SVOPL: variants seen among roughly 807,000 people sequenced by gnomAD.
SVOPL encodes putative transporter SVOPL.
SVOPL carries 60 observed loss-of-function variants against 61.0 expected under a neutral mutation model. The ratio of observed to expected loss-of-function variants is 0.98; its 90% confidence interval spans 0.80 to 1.22. The LOEUF (loss-of-function observed/expected upper bound fraction) is 1.22, where lower values mean the gene tolerates loss of function less well. Ranked by LOEUF, SVOPL falls within the 50% of genes most tolerant of loss-of-function variation. The pLI is 0.00. For synonymous variants in SVOPL, 279 were observed against 250.0 expected (o/e 1.12, Z -1.09); for missense variants, 662 against 643.9 (o/e 1.03, Z -0.30).
chr7:138,656,413 T>C, intron 7 of SVOPL, 35 bp downstream of exon 7: 1 of 1,608,506 alleles, frequency 6.2e-7, no homozygotes, highest in South Asian at 1.1e-5. Context: ...TCCCATAGGA[T>C]GCCAAAGGCA....
chr7:138,620,683 G>T (rs1422172259), intron 14 of SVOPL, among the ~76,000 whole-genome samples: 1 of 152,094 alleles, frequency 6.6e-6, no homozygotes, highest in Non-Finnish European at 1.5e-5. Flanking sequence ...CTGTTTTACA[G>T]TTGCCACCTG....
chr7:138,700,221 G>A (rs1047032545), intron 1 of SVOPL, among the ~76,000 whole-genome samples: 2 of 151,530 alleles, frequency 1.3e-5, no homozygotes, highest in African/African-American at 4.8e-5. Flanking sequence ...AGAACAACAT[G>A]TTTGAGAGAT....
chr7:138,633,944 C>T (rs1423010699), intron 9 of SVOPL, among the ~76,000 whole-genome samples: 7 of 152,116 alleles, frequency 4.6e-5, no homozygotes, highest in African/African-American at 1.2e-4. Context: ...CAACTCATCC[C>T]GTGGTGGCTA....
intron 14 of SVOPL, among the ~76,000 whole-genome samples, chr7:138,611,243 T>A (rs2116813786): frequency 6.6e-6 from 1 of 152,184 alleles, no homozygotes; most frequent in Non-Finnish European, 1.5e-5. Context: ...TGGGGCATGG[T>A]GGTGTGCGCC....
intron 4 of SVOPL, chr7:138,664,133 C>T: frequency 1.2e-6 from 1 of 853,954 alleles, no homozygotes; most frequent in Non-Finnish European, 1.4e-6. Flanking sequence ...CTGCCTCCCT[C>T]ACTCGCCCCC....
intron 3 of SVOPL, among the ~76,000 whole-genome samples, chr7:138,676,946 A>ATCT (rs201172020): frequency 1.4e-5 from 2 of 142,820 alleles, no homozygotes; most frequent in Admixed American, 1.5e-4. Flanking sequence ...CTCTGTCATC[A>ATCT]GGGCTGGAGT....
In SVOPL at chr7:138,627,390, T is replaced by G; in HGVS notation, c.1141A>C (p.Thr381Pro). 6.2e-7 allele frequency: 1 copy of G among 1,613,754 alleles called. No homozygotes were observed. The highest frequency in any genetic ancestry group is 8.5e-7 in the Non-Finnish European group (1 of 1,179,684). Residue 381 changes from threonine to proline, a missense_variant, in exon 12 of 16, where the codon ACG (threonine) becomes CCG (proline). Transcript: ENST00000674285. ...TTGAGGAGAAGGAAGAATAAAGCCG[T>G]GCATCCCATGGTAATAGAAAGGCTC... ...RLSLSITMGC[T>P]ALFFLLLNIC...
At chr7:138,697,638 A>G (rs904802781) in intron 1 of SVOPL, among the ~76,000 whole-genome samples, 6 of 148,684 alleles carry the variant, frequency 4.0e-5, no homozygotes, top group Non-Finnish European at 7.4e-5. Flanking sequence ...AAAGAAGAAG[A>G]AGAAGTGGAA....
chr7:138,598,686 T>C (rs1373264063), intron 14 of SVOPL, among the ~76,000 whole-genome samples: 1 of 152,024 alleles, frequency 6.6e-6, no homozygotes, highest in Non-Finnish European at 1.5e-5. Context: ...TTCTATGTAA[T>C]CCATGCACTA....
At chr7:138,605,208 A>AAG (rs1798699778) in intron 14 of SVOPL, among the ~76,000 whole-genome samples, 1 of 147,690 alleles carries the variant, frequency 6.8e-6, no homozygotes, top group African/African-American at 2.4e-5. Flanking sequence ...AAAAAAAAAA[A>AAG]GGATAAAACT....
chr7:138,614,128 T>C (rs1584782573), intron 14 of SVOPL, among the ~76,000 whole-genome samples: 1 of 152,328 alleles, frequency 6.6e-6, no homozygotes, highest in East Asian at 1.9e-4. Flanking sequence ...TGAGTCTCTT[T>C]TGGTGCTCTA....
At chr7:138,687,864 T>C (rs985684203) in intron 1 of SVOPL, among the ~76,000 whole-genome samples, 3 of 151,970 alleles carry the variant, frequency 2.0e-5, no homozygotes, top group Non-Finnish European at 4.4e-5. Context: ...TGCAGTGGCA[T>C]GATCTCAGCT....
chr7:138,594,438 A>C lies in SVOPL; in HGVS notation c.*172T>G. On this transcript the variant is annotated 3_prime_UTR_variant, in exon 16 of 16. Transcript: ENST00000674285. The stretch of plus-strand genomic sequence containing the variant: ...TACTTTATATATTGTTCCTCAAGGA[A>C]GAGATCAATATACAGTTACCTACCC... The C allele has an allele frequency of 2.1e-5, 9 of 421,020 alleles. No individual in the cohort carries two copies. The highest frequency in any genetic ancestry group is 3.6e-5 in the East Asian group (1 of 28,126). 26.1% of individuals were successfully genotyped at this position (421,020 alleles called of 1,614,324 possible). A position where few individuals can be genotyped will look rare whatever the true frequency, so the allele number is the denominator to read the frequency against.
At chr7:138,648,225 C>A (rs572417679) in intron 8 of SVOPL, among the ~76,000 whole-genome samples, 337 of 152,066 alleles carry the variant, frequency 2.2e-3, no homozygotes, top group Non-Finnish European at 3.9e-3. Flanking sequence ...AGCCGTCAGA[C>A]AAAACTTCTA....
chr7:138,621,687 T>C (rs1323172996), intron 13 of SVOPL, among the ~76,000 whole-genome samples: 1 of 152,194 alleles, frequency 6.6e-6, no homozygotes, highest in Non-Finnish European at 1.5e-5. Context: ...CCTCCCAAAG[T>C]GCTGGGATTA....
chr7:138,622,246 CTAT>C (rs1563096730), intron 13 of SVOPL, among the ~76,000 whole-genome samples: 1 of 107,370 alleles, frequency 9.3e-6, no homozygotes, highest in Non-Finnish European at 1.9e-5. Context: ...ATCTATCTAT[CTAT>C]CTATGTATCT....
rs2117021675 is a variant in SVOPL, at chr7:138,649,052, A to T, written c.620T>A (p.Val207Asp). The T allele has an allele frequency of 6.2e-7, 1 of 1,613,866 alleles. No individual in the cohort carries two copies. The highest frequency in any genetic ancestry group is 8.5e-7 in the Non-Finnish European group (1 of 1,179,944). ...GAGGATGATGCCCGGGATGGAGGCG[A>T]CGCGAATGAGCCAGCGCCACCCGAT... ...PTIGWRWLIR[V>D]ASIPGIILIV... Residue 207 changes from valine (V) to aspartate (D), a missense_variant, in exon 8 of 16, where the codon GTC becomes GAC. Transcript: ENST00000674285.
chr7:138,649,584 G>A (rs560551510), intron 7 of SVOPL, among the ~76,000 whole-genome samples: 37 of 151,686 alleles, frequency 2.4e-4, no homozygotes, highest in South Asian at 6.2e-4. Flanking sequence ...GGTGTGAGCC[G>A]CTGAGCCTAG....
chr7:138,684,270 C>A (rs905261847), intron 1 of SVOPL, among the ~76,000 whole-genome samples: 1 of 150,104 alleles, frequency 6.7e-6, no homozygotes, highest in Admixed American at 6.7e-5. Flanking sequence ...GAGGCTGAGG[C>A]GGGAGAATCA....
Sources: allele counts gnomAD v4.1 joint callset (sites outside exome capture counted in the v4.1 genomes callset), GRCh38; gene constraint gnomAD v4.1.1; transcripts MANE v1.5; gene names NCBI Gene and HGNC (gene_info 2026-07-23, HGNC 2026-07-21).